The following LUZP2 variants were observed in gnomAD, a reference collection of about 807,000 sequenced individuals.
The protein encoded by LUZP2 is leucine zipper protein 2.
Under a neutral mutation model 51.6 loss-of-function variants are expected in LUZP2, and 52 were observed. That is an observed-to-expected ratio of 1.01 (90% CI 0.81 to 1.27). LUZP2 has a LOEUF of 1.27. LUZP2 is among the 50% of genes most tolerant of loss of function. The pLI, the probability that LUZP2 is intolerant of heterozygous loss-of-function variation, is 0.00. For missense variants in LUZP2, 436 were observed against 395.4 expected (o/e 1.10, Z -0.87); for synonymous variants, 154 against 137.3 (o/e 1.12, Z -0.85).
intron 10 of LUZP2, among the ~76,000 whole-genome samples, chr11:25,071,271 A>T (rs1292316635): frequency 6.6e-6 from 1 of 152,066 alleles, no homozygotes; most frequent in Non-Finnish European, 1.5e-5. Context: ...TGTCTATTTT[A>T]CATGTTAAAT....
intron 5 of LUZP2, among the ~76,000 whole-genome samples, chr11:24,780,496 T>G (rs922460486): frequency 3.9e-5 from 6 of 152,180 alleles, no homozygotes; most frequent in African/African-American, 1.4e-4. Flanking sequence ...GCCAGGCATC[T>G]TACTCATTTA....
intron 1 of LUZP2, among the ~76,000 whole-genome samples, chr11:24,566,461 T>C (rs377394877): frequency 2.9e-4 from 43 of 149,582 alleles, no homozygotes; most frequent in South Asian, 1.9e-3. Flanking sequence ...CCCTAGTAGC[T>C]GGGACTACAG....
intron 1 of LUZP2, among the ~76,000 whole-genome samples, chr11:24,576,043 A>G (rs1348819699): frequency 3.3e-5 from 5 of 152,300 alleles, no homozygotes; most frequent in South Asian, 2.1e-4. Flanking sequence ...AATTGAATCA[A>G]TGAATGAAGT....
At chr11:24,553,856 C>G (rs1439082735) in intron 1 of LUZP2, among the ~76,000 whole-genome samples, 1 of 152,148 alleles carries the variant, frequency 6.6e-6, no homozygotes, top group Non-Finnish European at 1.5e-5. Context: ...GGCAACTTCA[C>G]TATTTGTGAG....
chr11:24,853,945 G>T (rs1409887958), intron 5 of LUZP2, among the ~76,000 whole-genome samples: 2 of 152,118 alleles, frequency 1.3e-5, no homozygotes, highest in Admixed American at 6.5e-5. Context: ...TATCACCAGT[G>T]GAGGCTGTAG....
At chr11:24,710,483 A>G (rs1857768352) in intron 1 of LUZP2, among the ~76,000 whole-genome samples, 1 of 152,188 alleles carries the variant, frequency 6.6e-6, no homozygotes, top group African/African-American at 2.4e-5. Context: ...GTATAGATAC[A>G]TGAAGTTAAT....
chr11:24,880,907 C>T (rs1852444028), intron 5 of LUZP2, among the ~76,000 whole-genome samples: 2 of 152,070 alleles, frequency 1.3e-5, no homozygotes, highest in African/African-American at 4.8e-5. Flanking sequence ...AGTAATATGT[C>T]CTTTCAAATG....
intron 9 of LUZP2, among the ~76,000 whole-genome samples, chr11:25,024,950 A>G (rs1857444462): frequency 6.6e-6 from 1 of 151,130 alleles, no homozygotes; most frequent in Admixed American, 6.6e-5. Flanking sequence ...AAACAGAGAT[A>G]TAGACCAATG....
chr11:24,939,234 C>A (rs1199008771), intron 7 of LUZP2, among the ~76,000 whole-genome samples: 1 of 152,010 alleles, frequency 6.6e-6, no homozygotes, highest in East Asian at 1.9e-4. Flanking sequence ...TGCACTCGTA[C>A]TTGTTTAACT....
intron 9 of LUZP2, among the ~76,000 whole-genome samples, chr11:25,048,836 A>C (rs2121226): frequency 6.6e-6 from 1 of 150,536 alleles, no homozygotes; most frequent in Non-Finnish European, 1.5e-5. Context: ...TTAATTAATT[A>C]ATTTATTTAT....
intron 5 of LUZP2, among the ~76,000 whole-genome samples, chr11:24,801,988 T>C (rs1370905235): frequency 1.3e-5 from 2 of 151,982 alleles, no homozygotes; most frequent in African/African-American, 4.8e-5. Context: ...GTTTAATGAT[T>C]TTCTGAAACT....
chr11:24,986,550 T>C (rs1565193599), intron 9 of LUZP2, among the ~76,000 whole-genome samples: 1 of 150,956 alleles, frequency 6.6e-6, no homozygotes, highest in African/African-American at 2.4e-5. Flanking sequence ...TGTGTGTGTG[T>C]GTGTGTGTGT....
chr11:24,604,490 A>T (rs922868311), intron 1 of LUZP2, among the ~76,000 whole-genome samples: 1 of 151,774 alleles, frequency 6.6e-6, no homozygotes, highest in East Asian at 1.9e-4. Flanking sequence ...CTAGTATGCA[A>T]TTTTTTCTTC....
intron 5 of LUZP2, among the ~76,000 whole-genome samples, chr11:24,872,254 G>T (rs571571357): frequency 1.3e-5 from 2 of 152,146 alleles, no homozygotes; most frequent in East Asian, 3.9e-4. Context: ...ATATACCAGT[G>T]CTAGTCTAAT....
intron 1 of LUZP2, among the ~76,000 whole-genome samples, chr11:24,587,531 A>T (rs977534092): frequency 6.6e-6 from 1 of 152,064 alleles, no homozygotes; most frequent in Non-Finnish European, 1.5e-5. Flanking sequence ...GGGCTTTTCC[A>T]CCTATAAATC....
chr11:24,510,672 C>T (rs1590118590), intron 1 of LUZP2, among the ~76,000 whole-genome samples: 3 of 152,130 alleles, frequency 2.0e-5, no homozygotes, highest in Admixed American at 1.3e-4. Context: ...ACGTATACCA[C>T]ATTTATATTA....
intron 1 of LUZP2, among the ~76,000 whole-genome samples, chr11:24,506,452 C>T (rs758828346): frequency 1.3e-5 from 2 of 152,020 alleles, no homozygotes; most frequent in Non-Finnish European, 2.9e-5. Flanking sequence ...ATTGTTGTAG[C>T]TTTTTCCTTC....
At chr11:25,042,484 A>C (rs2134008470) in intron 9 of LUZP2, among the ~76,000 whole-genome samples, 1 of 152,344 alleles carries the variant, frequency 6.6e-6, no homozygotes, top group South Asian at 2.1e-4. Context: ...AATATGAAAT[A>C]TAATCAAGAG....
intron 5 of LUZP2, among the ~76,000 whole-genome samples, chr11:24,801,697 T>C (rs1421697386): frequency 6.6e-6 from 1 of 151,708 alleles, no homozygotes; most frequent in East Asian, 1.9e-4. Context: ...AGTATTATCA[T>C]TTAGACAATA....
Sources: gnomAD v4.1 joint callset for allele counts (sites outside exome capture counted in the v4.1 genomes callset) on GRCh38, gnomAD v4.1.1 for gene constraint, MANE v1.5 for transcripts, NCBI Gene and HGNC (gene_info 2026-07-23, HGNC 2026-07-21) for gene names.